SEPSECS: variants seen among roughly 807,000 people sequenced by gnomAD.
SEPSECS encodes the protein O-phosphoseryl-tRNA(Sec) selenium transferase.
SEPSECS carries 42 observed loss-of-function variants against 52.1 expected under a neutral mutation model. The observed-to-expected ratio is 0.81, with a 90% CI of 0.63 to 1.04. The LOEUF is 1.04. SEPSECS is among the 50% of genes least tolerant of loss of function. The pLI, the probability that SEPSECS is intolerant of heterozygous loss-of-function variation, is 0.00. For missense variants in SEPSECS, 590 were observed against 610.6 expected (o/e 0.97, Z 0.36); for synonymous variants, 216 against 211.4 (o/e 1.02, Z -0.19).
chr4:25,124,196 A>G lies in SEPSECS; in HGVS notation c.1241T>C (p.Val414Ala), dbSNP rs1728263345. 6.2e-7 allele frequency: 1 copy of G among 1,613,496 alleles called. No individual in the cohort carries two copies. Among genetic ancestry groups the G allele is most frequent in the East Asian group, 2.2e-5 (1 of 44,848 alleles). ...AAAGCCTCTGAAAGTATAGCCACTC[A>G]CAGTTTGCATGGACCCAAGAGGCAC... ...RVVPLGSMQT[V>A]SGYTFRGFMS... Residue 414 changes from valine to alanine, a missense_variant, in exon 11 of 11, where the codon GTG becomes GCG. Transcript: ENST00000382103.
chr4:25,160,290 G>C lies in SEPSECS; in HGVS notation c.80C>G (p.Ser27Trp), dbSNP rs1025671757. 1.5e-5 allele frequency: 24 copies of C among 1,552,610 alleles called. No homozygotes were observed. Among genetic ancestry groups the C allele is most frequent in the Non-Finnish European group, 2.0e-5 (23 of 1,147,822 alleles). ...AAGCAGCCGTATGAGGTGCTCATGC[G>C]AGCGGCGGGCCTCACAGCCCTGCCG... ...YVRQGCEARRSHEHLIRLLLE... is the reference protein window; with the variant it reads ...YVRQGCEARRWHEHLIRLLLE... The change falls in exon 1 of 11, where the codon TCG becomes TGG. Residue 27 changes from serine to tryptophan, a missense_variant. Physicochemically the swap from Ser to Trp is radical, Grantham distance 177. Coordinates refer to ENST00000382103, the MANE Select transcript of SEPSECS (RefSeq NM_016955.4).
chr4:25,155,653 CATA>C (rs1667158137), intron 4 of SEPSECS, among the ~76,000 whole-genome samples: 1 of 152,072 alleles, frequency 6.6e-6, no homozygotes, highest in African/African-American at 2.4e-5. Flanking sequence ...TAAAGAAAAA[CATA>C]ATAAATTTCA....
At chr4:25,149,222 G>T (rs932298707) in intron 6 of SEPSECS, among the ~76,000 whole-genome samples, 1 of 151,842 alleles carries the variant, frequency 6.6e-6, no homozygotes, top group Non-Finnish European at 1.5e-5. Context: ...CACACCCAGA[G>T]AATTTTTTTT....
intron 8 of SEPSECS, among the ~76,000 whole-genome samples, chr4:25,142,033 C>G (rs1210830898): frequency 3.3e-5 from 5 of 152,176 alleles, no homozygotes; most frequent in African/African-American, 1.2e-4. Context: ...TCCCAACACC[C>G]TGGGAGGCCA....
chr4:25,148,087 TC>T (rs1712075225), intron 6 of SEPSECS, among the ~76,000 whole-genome samples: 1 of 152,082 alleles, frequency 6.6e-6, no homozygotes, highest in Non-Finnish European at 1.5e-5. Context: ...GCACGGTGGC[TC>T]ACATCTGTAA....
At chr4:25,145,713 G>A (rs1399035225) in intron 6 of SEPSECS, among the ~76,000 whole-genome samples, 1 of 152,154 alleles carries the variant, frequency 6.6e-6, no homozygotes, top group East Asian at 1.9e-4. Flanking sequence ...TCCTCTGTGA[G>A]TTCGAGGGTG....
chr4:25,133,452 A>AG (rs1728692620), intron 8 of SEPSECS, among the ~76,000 whole-genome samples: 37 of 152,236 alleles, frequency 2.4e-4, no homozygotes, highest in Admixed American at 2.4e-3. Flanking sequence ...TAGCTGAGCT[A>AG]CATATTCCTG....
rs1196943683 is a variant in SEPSECS, at chr4:25,121,973, A to ATAG, written c.*1955_*1957dup. 1 of 152,192 alleles carries ATAG rather than the reference A, an allele frequency of 6.6e-6. No homozygotes were observed. Among genetic ancestry groups the ATAG allele is most frequent in the African/African-American group, 2.4e-5 (1 of 41,472 alleles). The allele number at this position is 152,192 out of a possible 1,614,324, so 9.4% of individuals were successfully genotyped here. A position where few individuals can be genotyped will look rare whatever the true frequency, so the allele number is the denominator to read the frequency against. ...TATAAAACAATTTTGGCTTACATGT[A>ATAG]TAGCAAGCTGCACTGCCAGCATTTA... On this transcript the variant is annotated 3_prime_UTR_variant, in exon 11 of 11. Transcript: ENST00000382103.
At position 25,125,768 on chromosome 4, in the gene SEPSECS, T is replaced by A. The variant is rs1728337255; in HGVS notation, c.1137A>T (p.Thr379=). Residue 379 remains threonine, a synonymous_variant, in exon 10 of 11, where the codon ACA becomes ACT. Coordinates refer to ENST00000382103, the MANE Select transcript of SEPSECS (RefSeq NM_016955.4). ...NPISLAMTLK[T]LDEHRDKAVT... ...CAGCTTTGTCACGGTGTTCATCTAG[T>A]GTTTTAAGTGTCATAGCTGAAAAAG... The A allele has an allele frequency of 6.2e-7, 1 of 1,612,014 alleles. No individual in the cohort carries two copies. Among genetic ancestry groups the A allele is most frequent in the Admixed American group, 1.7e-5 (1 of 59,870 alleles).
intron 6 of SEPSECS, among the ~76,000 whole-genome samples, chr4:25,150,915 G>A (rs748650009): frequency 5.2e-4 from 79 of 152,234 alleles, no homozygotes; most frequent in Non-Finnish European, 8.5e-4. Context: ...GCTGAGGTAG[G>A]AGGATCACTT....
rs909413694 is a variant in SEPSECS at position 25,129,818 on chromosome 4, G to A, written c.1027-2461C>T. Among the ~76,000 whole-genome samples the A allele has an allele frequency of 2.0e-5, 3 of 152,166 alleles. 1 individual carries two copies. The highest frequency in any genetic ancestry group is 1.5e-5 in the Non-Finnish European group (1 of 68,020). On this transcript the variant is annotated intron_variant, in intron 8 of 10. Transcript: ENST00000382103. ...ACACACCAGGGTTAATAAAGAGGAGGATTCCTGGGTTTCATCCATATATTT... is the reference window on the plus strand; with the variant it reads ...ACACACCAGGGTTAATAAAGAGGAGAATTCCTGGGTTTCATCCATATATTT...
Position 25,158,835 on chromosome 4 carries a change from G to T in SEPSECS, c.269+118C>A, listed in dbSNP as rs999962723. On this transcript the variant is annotated intron_variant, in intron 2 of 10. Transcript: ENST00000382103. ...TTTGGCTTACATATCCATTAGAGCA[G>T]GGAAGAAGTGGTTTACAAACTGACA... 4 of 998,918 alleles carry T rather than the reference G, an allele frequency of 4.0e-6. No individual in the cohort carries two copies. In the African/African-American group the frequency reaches 4.8e-5, roughly 12 times the overall value. The allele number at this position is 998,918 out of a possible 1,614,324, so 61.9% of individuals were successfully genotyped here.
At chr4:25,157,001 G>A (rs1712705861) in intron 2 of SEPSECS, 27 bp from the exon 3 acceptor site, 1 of 1,161,582 alleles carries the variant, frequency 8.6e-7, no homozygotes. Flanking sequence ...CCAAAAACTG[G>A]ACAAATACAT....
At chr4:25,141,115 G>A (rs192335712) in intron 8 of SEPSECS, among the ~76,000 whole-genome samples, 207 of 152,120 alleles carry the variant, frequency 1.4e-3, no homozygotes, top group Non-Finnish European at 2.6e-3. Flanking sequence ...GTTTATATAC[G>A]GGTCTTGAGC....
At chr4:25,125,588 G>A (rs1288298916) in intron 10 of SEPSECS, 106 bp downstream of exon 10, 1 of 757,654 alleles carries the variant, frequency 1.3e-6, no homozygotes, top group Admixed American at 2.0e-5. Context: ...TGAATTCGCA[G>A]GTATAGTTCA....
Position 25,122,272 on chromosome 4 carries a change from G to T in SEPSECS, c.*1659C>A, listed in dbSNP as rs1356086552. 2.0e-5 allele frequency: 3 copies of T among 152,126 alleles called. No individual in the cohort carries two copies. The highest frequency in any genetic ancestry group is 7.2e-5 in the African/African-American group (3 of 41,432). 9.4% of individuals were successfully genotyped at this position (152,126 alleles called of 1,614,324 possible). ...ATTGACTTCCAAGGTGGTCAAGCCA[G>T]TGGCCATAGGCGTCTACCTTACACA... On this transcript the variant is annotated 3_prime_UTR_variant, in exon 11 of 11. Transcript: ENST00000382103.
At chr4:25,157,816 A>C (rs1348585134) in intron 2 of SEPSECS, among the ~76,000 whole-genome samples, 1 of 152,060 alleles carries the variant, frequency 6.6e-6, no homozygotes, top group Non-Finnish European at 1.5e-5. Flanking sequence ...AAGTGCTGAG[A>C]TTACCGGCGT....
chr4:25,137,921 T>C (rs1728907533), intron 8 of SEPSECS, among the ~76,000 whole-genome samples: 2 of 152,050 alleles, frequency 1.3e-5, no homozygotes, highest in African/African-American at 2.4e-5. Flanking sequence ...TGCACGGACA[T>C]GGATGGAGCT....
At chr4:25,151,789 A>G (rs1193367345) in intron 6 of SEPSECS, among the ~76,000 whole-genome samples, 171 bp downstream of exon 6, 2 of 152,218 alleles carry the variant, frequency 1.3e-5, no homozygotes, top group African/African-American at 4.8e-5. Context: ...ACAGTATCAA[A>G]GAATAATGAC....
Sources: allele counts gnomAD v4.1 joint callset (sites outside exome capture counted in the v4.1 genomes callset), GRCh38; gene constraint gnomAD v4.1.1; transcripts MANE v1.5; gene names NCBI Gene and HGNC (gene_info 2026-07-23, HGNC 2026-07-21).